MAGI1: variants seen among roughly 807,000 people sequenced by gnomAD.
MAGI1 encodes membrane associated guanylate kinase, WW and PDZ domain containing 1, also known as membrane-associated guanylate kinase, WW and PDZ domain-containing protein 1.
Under a neutral mutation model 139.9 loss-of-function variants are expected in MAGI1, and 58 were observed. The observed-to-expected ratio is 0.41, with a 90% confidence interval of 0.34 to 0.52. The LOEUF (loss-of-function observed/expected upper bound fraction) is 0.52, where lower values mean the gene tolerates loss of function less well. Among genes scored for constraint, MAGI1 ranks in the 20% least tolerant of loss-of-function variants. The pLI is 0.12. For missense variants in MAGI1, 1,874 were observed against 1,901.6 expected (o/e 0.99, Z 0.27); for synonymous variants, 812 against 737.9 (o/e 1.10, Z -1.63).
chr3:65,542,460 A>C (rs563308447), intron 2 of MAGI1, among the ~76,000 whole-genome samples: 1 of 152,110 alleles, frequency 6.6e-6, no homozygotes, highest in South Asian at 2.1e-4. Flanking sequence ...AATCCTAAGC[A>C]AAAAGAACAA....
intron 1 of MAGI1, among the ~76,000 whole-genome samples, chr3:65,916,581 C>T (rs2108704698): frequency 1.3e-5 from 2 of 152,176 alleles, no homozygotes; most frequent in Middle Eastern, 3.4e-3. Context: ...ATGGGAAAAA[C>T]CACTCCATGA....
intron 1 of MAGI1, among the ~76,000 whole-genome samples, chr3:65,803,800 T>C (rs1050510848): frequency 1.3e-5 from 2 of 152,180 alleles, no homozygotes; most frequent in African/African-American, 4.8e-5. Flanking sequence ...ACATGCAGTA[T>C]TGGTGCTGGA....
intron 2 of MAGI1, among the ~76,000 whole-genome samples, chr3:65,563,636 G>A (rs1394590009): frequency 1.3e-5 from 2 of 152,084 alleles, no homozygotes; most frequent in African/African-American, 2.4e-5. Flanking sequence ...CTTGAGAGTG[G>A]ACCAAACAGT....
chr3:65,356,910 G>A lies in MAGI1; in HGVS notation c.3857C>T (p.Ser1286Leu). 1.2e-6 allele frequency: 2 copies of A among 1,614,158 alleles called. No homozygotes were observed. The highest frequency in any genetic ancestry group is 2.2e-5 in the South Asian group (2 of 91,084). ...PNEHHTWNGT[S>L]RKPDSGACRP... ...GCATGCCCCGCTGTCGGGTTTCCTC[G>A]AAGTCCCATTCCAGGTGTGGTGTTC... Residue 1286 changes from serine to leucine, a missense_variant, in exon 23 of 23, where the codon TCG (serine) becomes TTG (leucine). Ser to Leu is a moderately radical substitution (Grantham distance 145). This residue lies in a region of MAGI1 where 653 missense variants were observed against 644.5 expected (regional missense o/e 1.01). Transcript: ENST00000402939.
intron 13 of MAGI1, among the ~76,000 whole-genome samples, chr3:65,395,063 G>C (rs1302936046): frequency 6.6e-6 from 1 of 152,066 alleles, no homozygotes; most frequent in Non-Finnish European, 1.5e-5. Flanking sequence ...ATAACATCCA[G>C]CCCAGGCCCT....
chr3:65,407,868 C>G (rs560212823), intron 12 of MAGI1, among the ~76,000 whole-genome samples: 4 of 152,306 alleles, frequency 2.6e-5, no homozygotes, highest in Non-Finnish European at 5.9e-5. Context: ...ATGGCACATA[C>G]TGGCCTTAGC....
chr3:65,888,352 A>T (rs2060611868), intron 1 of MAGI1, among the ~76,000 whole-genome samples: 1 of 152,212 alleles, frequency 6.6e-6, no homozygotes. Context: ...TCAGAGTCAG[A>T]GCCAAGGGAA....
At chr3:65,833,295 T>G (rs2042628028) in intron 1 of MAGI1, among the ~76,000 whole-genome samples, 1 of 152,014 alleles carries the variant, frequency 6.6e-6, no homozygotes, top group African/African-American at 2.4e-5. Flanking sequence ...ATTTTTGTAG[T>G]TTTAGTAGAG....
At chr3:65,916,876 G>A (rs184517468) in intron 1 of MAGI1, among the ~76,000 whole-genome samples, 27 of 152,230 alleles carry the variant, frequency 1.8e-4, no homozygotes, top group Admixed American at 5.2e-4. Context: ...GAAGACAGTT[G>A]TCAGGGATAA....
At chr3:65,786,477 A>G (rs4688601) in intron 1 of MAGI1, among the ~76,000 whole-genome samples, 75,006 of 151,426 alleles carry the variant, frequency 0.5, 18,715 homozygotes, top group Admixed American at 0.62. Flanking sequence ...CAGCTAACTT[A>G]CTGTATTTTT....
At chr3:65,847,028 G>T (rs1046525450) in intron 1 of MAGI1, among the ~76,000 whole-genome samples, 1 of 140,050 alleles carries the variant, frequency 7.1e-6, no homozygotes, top group Non-Finnish European at 1.5e-5. Flanking sequence ...CCAATTTTAG[G>T]ACAATTATTT....
intron 1 of MAGI1, among the ~76,000 whole-genome samples, chr3:65,901,338 T>C (rs1368548779): frequency 6.6e-6 from 1 of 152,198 alleles, no homozygotes; most frequent in Admixed American, 6.5e-5. Context: ...ATGGATGACA[T>C]TTCTGTTCAT....
intron 1 of MAGI1, among the ~76,000 whole-genome samples, chr3:65,963,560 G>A (rs925206715): frequency 6.6e-6 from 1 of 152,160 alleles, no homozygotes; most frequent in African/African-American, 2.4e-5. Context: ...AGGTTGTAGT[G>A]AGCCAAGATC....
chr3:65,723,289 CT>C (rs1338432654), intron 1 of MAGI1, among the ~76,000 whole-genome samples: 2 of 152,138 alleles, frequency 1.3e-5, no homozygotes, highest in Non-Finnish European at 2.9e-5. Flanking sequence ...ACAAGAGCAT[CT>C]TGTGTCCATA....
At chr3:65,484,045 AATACAAAGTAAAAAT>A (rs1441942843) in intron 3 of MAGI1, among the ~76,000 whole-genome samples, 1 of 152,236 alleles carries the variant, frequency 6.6e-6, no homozygotes, top group African/African-American at 2.4e-5. Flanking sequence ...AGGCATGGGA[AATACAAAGTAAAAAT>A]TGGACTGAAA....
rs1947342708 is a variant in MAGI1 at position 65,429,977 on chromosome 3, C to G, written c.1710G>C (p.Val570=). 2 of 1,613,980 alleles carry G rather than the reference C, an allele frequency of 1.2e-6. No individual in the cohort carries two copies. Among genetic ancestry groups the G allele is most frequent in the Non-Finnish European group, 1.7e-6 (2 of 1,179,934 alleles). Reference sequence around the variant, plus strand: ...CTTTATCCAAAATGGCTACCGAGGTCACTAAACTTGTATTGGGGTCATCTG... The same window carrying G: ...CTTTATCCAAAATGGCTACCGAGGTGACTAAACTTGTATTGGGGTCATCTG... ...FDPDDPNTSL[V]TSVAILDKEP... Residue 570 remains valine, a synonymous_variant, in exon 12 of 23, where the codon GTG becomes GTC. Coordinates refer to ENST00000402939, the MANE Select transcript of MAGI1 (RefSeq NM_001033057.2).
At position 65,684,868 on chromosome 3, in the gene MAGI1, ATTTTTTTTTT is replaced by A. The variant is rs761948943; in HGVS notation, c.314-62790_314-62781del. Among the ~76,000 whole-genome samples the A allele has an allele frequency of 2.6e-3, 252 of 98,174 alleles. 1 individual carries two copies. The highest frequency in any genetic ancestry group is 3.6e-3 in the Non-Finnish European group (194 of 53,738). 64.4% of individuals were successfully genotyped at this position (98,174 alleles called of 152,430 possible). ...AGGTGCAAGCCACCACACCTGGCTA[ATTTTTTTTTT>A]TTTTTTTTTTTTTTTTTTTGGTAGA... On this transcript the variant is annotated intron_variant, in intron 1 of 22. Transcript: ENST00000402939.
chr3:65,898,903 T>A (rs992806832), intron 1 of MAGI1, among the ~76,000 whole-genome samples: 22 of 152,176 alleles, frequency 1.4e-4, no homozygotes, highest in African/African-American at 4.8e-4. Flanking sequence ...AATATATTTT[T>A]AAATAATTAA....
chr3:65,633,986 T>C (rs933821905), intron 1 of MAGI1, among the ~76,000 whole-genome samples: 2 of 152,164 alleles, frequency 1.3e-5, no homozygotes, highest in African/African-American at 2.4e-5. Context: ...ACTGGACCAA[T>C]TGGACTCGAG....
Sources: allele counts gnomAD v4.1 joint callset (sites outside exome capture counted in the v4.1 genomes callset), GRCh38; gene constraint gnomAD v4.1.1; regional missense constraint gnomAD v4.1.1; transcripts MANE v1.5; gene names NCBI Gene and HGNC (gene_info 2026-07-23, HGNC 2026-07-21).